Variants in GCLC observed in about 807,000 individuals in gnomAD.
The protein encoded by GCLC is glutamate-cysteine ligase catalytic subunit, also known as glutamate--cysteine ligase catalytic subunit.
GCLC carries 30 observed loss-of-function variants against 81.5 expected under a neutral mutation model. The ratio of observed to expected loss-of-function variants is 0.37; its 90% confidence interval spans 0.28 to 0.50. The LOEUF (loss-of-function observed/expected upper bound fraction) is 0.50. Ranked by LOEUF, GCLC falls within the 20% of genes least tolerant of loss-of-function variation. The probability of loss-of-function intolerance (pLI) is 0.96; values close to 1 mark genes in which losing one functional copy is unlikely to be tolerated. For synonymous variants in GCLC, 262 were observed against 273.3 expected (o/e 0.96, Z 0.41); for missense variants, 556 against 777.4 (o/e 0.72, Z 3.39).
intron 1 of GCLC, among the ~76,000 whole-genome samples, chr6:53,536,693 T>C (rs527313733): frequency 9.8e-5 from 15 of 152,370 alleles, no homozygotes; most frequent in African/African-American, 2.6e-4. Flanking sequence ...TATTGTGACA[T>C]CTTTTCTGAA....
At chr6:53,512,753 G>T (rs1764778201) in intron 6 of GCLC, among the ~76,000 whole-genome samples, 1 of 152,114 alleles carries the variant, frequency 6.6e-6, no homozygotes, top group Admixed American at 6.5e-5. Context: ...GCATTTACTA[G>T]TATACATACA....
chr6:53,508,561 C>T (rs755898671), intron 8 of GCLC, 34 bp downstream of exon 8: 1 of 1,248,812 alleles, frequency 8.0e-7, no homozygotes, highest in East Asian at 2.3e-5. Context: ...ACCTGCTTGA[C>T]TTAAAAGGGC....
intron 1 of GCLC, among the ~76,000 whole-genome samples, chr6:53,534,874 T>G (rs1307483817): frequency 6.6e-6 from 1 of 152,218 alleles, no homozygotes; most frequent in African/African-American, 2.4e-5. Flanking sequence ...TGTTGAGATG[T>G]TAATTTTTCC....
At position 53,500,097 on chromosome 6, in the gene GCLC, G is replaced by A. The variant is rs1486138012; in HGVS notation, c.1650C>T (p.Asp550=). 6.2e-7 allele frequency: 1 copy of A among 1,608,928 alleles called. No homozygotes were observed. The highest frequency in any genetic ancestry group is 1.7e-5 in the Admixed American group (1 of 60,020). Reference sequence around the variant, plus strand: ...GGTAGTTCAGAATACTACATCTGGTGTCCACATCCACTTCCATGTTTTCAA... The same window carrying A: ...GGTAGTTCAGAATACTACATCTGGTATCCACATCCACTTCCATGTTTTCAA... ...SYLENMEVDV[D]TRCSILNYLK... Residue 550 remains aspartate (D), a synonymous_variant, in exon 15 of 16, where the codon GAC becomes GAT. Transcript: ENST00000650454.
rs541079573 is a variant in GCLC at position 53,534,704 on chromosome 6, G to C, written c.150+9792C>G. 1.3e-3 allele frequency among the ~76,000 whole-genome samples: 198 copies of C among 152,144 alleles called. 5 individuals carry two copies. The South Asian group carries it at 0.039, about 30-fold the overall frequency. On this transcript the variant is annotated intron_variant, in intron 1 of 15. Transcript: ENST00000650454. ...GAAGAGATGGAGCTGAAGGTCCGGG[G>C]AAACCATTTACAATAGAACTGAAAC... is the stretch of plus-strand genomic sequence containing the variant.
Position 53,507,016 on chromosome 6 carries a change from T to C in GCLC, c.1094A>G (p.His365Arg). 1 of 1,587,900 alleles carries C rather than the reference T, an allele frequency of 6.3e-7. No homozygotes were observed. Among genetic ancestry groups the C allele is most frequent in the Non-Finnish European group, 8.6e-7 (1 of 1,156,154 alleles). Residue 365 changes from histidine to arginine, a missense_variant, in exon 10 of 16, where the codon CAT (histidine) becomes CGT (arginine). Coordinates refer to ENST00000650454, the MANE Select transcript of GCLC (RefSeq NM_001498.4). ...YEQLLQEGID[H>R]LLAQHVAHLF... ...ATGAGCAACATGCTGGGCCAGGAGATGATCAATGCCTGCAAAAAGAGATCA... is the reference window on the plus strand; with the variant it reads ...ATGAGCAACATGCTGGGCCAGGAGACGATCAATGCCTGCAAAAAGAGATCA...
rs1764413226 is a variant in GCLC at position 53,498,252 on chromosome 6, T to C, written c.*504A>G. 1 of 157,650 alleles carries C rather than the reference T, an allele frequency of 6.3e-6. No homozygotes were observed. The highest frequency in any genetic ancestry group is 2.4e-5 in the African/African-American group (1 of 41,460). 9.8% of individuals were successfully genotyped at this position (157,650 alleles called of 1,614,324 possible). On this transcript the variant is annotated 3_prime_UTR_variant, in exon 16 of 16. Transcript: ENST00000650454. ...AGATAAGGTGCTAGAAACCCAAGATTACCCTTGAAGCACTTTCAATGGATT... is the reference window on the plus strand; with the variant it reads ...AGATAAGGTGCTAGAAACCCAAGATCACCCTTGAAGCACTTTCAATGGATT...
At chr6:53,534,962 A>G (rs975694268) in intron 1 of GCLC, among the ~76,000 whole-genome samples, 3 of 152,330 alleles carry the variant, frequency 2.0e-5, no homozygotes, top group Middle Eastern at 3.4e-3. Context: ...GAAATTGCCA[A>G]TCTGGTTCTA....
intron 7 of GCLC, 79 bp downstream of exon 7, chr6:53,509,097 C>T (rs1764682798): frequency 2.3e-6 from 2 of 882,272 alleles, no homozygotes; most frequent in African/African-American, 3.3e-5. Context: ...ACTTAAATAG[C>T]ACACTGTCAG....
intron 1 of GCLC, 127 bp from the exon 2 acceptor site, chr6:53,522,654 T>C (rs1410084079): frequency 1.5e-6 from 1 of 676,486 alleles, no homozygotes. Flanking sequence ...ACAGTCACAT[T>C]TGTTTACAGT....
chr6:53,511,706 G>C (rs528496895), intron 6 of GCLC, among the ~76,000 whole-genome samples: 1 of 150,326 alleles, frequency 6.7e-6, no homozygotes, highest in African/African-American at 2.4e-5. Flanking sequence ...ACCTTAAAAA[G>C]CTATGAATAC....
intron 1 of GCLC, among the ~76,000 whole-genome samples, chr6:53,525,552 C>T (rs903056732): frequency 3.3e-5 from 5 of 152,098 alleles, no homozygotes; most frequent in Admixed American, 2.0e-4. Context: ...AAAACAGATG[C>T]CTTTCTGTAT....
At chr6:53,532,293 C>T (rs9474584) in intron 1 of GCLC, among the ~76,000 whole-genome samples, 2,112 of 152,346 alleles carry the variant, frequency 0.014, 39 homozygotes, top group African/African-American at 0.048. Context: ...CTCTCGACTG[C>T]GCCCTCTCAT....
At chr6:53,520,409 G>C (rs1396637826) in intron 3 of GCLC, among the ~76,000 whole-genome samples, 1 of 152,174 alleles carries the variant, frequency 6.6e-6, no homozygotes, top group Non-Finnish European at 1.5e-5. Context: ...AGTCACCAGG[G>C]GACAGCATTC....
At position 53,505,449 on chromosome 6, in the gene GCLC, T is replaced by C. The variant is rs1764595077; in HGVS notation, c.1338A>G (p.Val446=). Residue 446 remains valine, a synonymous_variant, in exon 12 of 16, where the codon GTA becomes GTG. Coordinates refer to ENST00000650454, the MANE Select transcript of GCLC (RefSeq NM_001498.4). ...AGGAAAGGATCACTCTGGTGAGCAG[T>C]ACCACAAACACCACATAGGCAGAGT... The part of the protein sequence containing the change: ...FENSAYVVFV[V]LLTRVILSYK... 1 of 1,607,110 alleles carries C rather than the reference T, an allele frequency of 6.2e-7. No individual in the cohort carries two copies. Among genetic ancestry groups the C allele is most frequent in the East Asian group, 2.2e-5 (1 of 44,816 alleles).
At chr6:53,512,475 T>G (rs775920115) in intron 6 of GCLC, among the ~76,000 whole-genome samples, 25 of 152,104 alleles carry the variant, frequency 1.6e-4, no homozygotes, top group South Asian at 2.1e-4. Context: ...ATTTAATACA[T>G]TCATATAATT....
rs1244810409 is a variant in GCLC, at chr6:53,497,612, CAG to C, written c.*1142_*1143del. The C allele has an allele frequency of 3.9e-5, 6 of 152,338 alleles. No individual in the cohort carries two copies. Among genetic ancestry groups the C allele is most frequent in the South Asian group, 2.1e-4 (1 of 4,812 alleles). 9.4% of individuals were successfully genotyped at this position (152,338 alleles called of 1,614,324 possible). On this transcript the variant is annotated 3_prime_UTR_variant, in exon 16 of 16. Transcript: ENST00000650454. ...GTAAAGATCTGCATAATCTACAATA[CAG>C]AGTTATTTCAGAAGCAGTTGACTTA...
chr6:53,533,297 AT>A (rs1763202791), intron 1 of GCLC, among the ~76,000 whole-genome samples: 1 of 152,204 alleles, frequency 6.6e-6, no homozygotes, highest in Non-Finnish European at 1.5e-5. Flanking sequence ...GCTTTGTGGC[AT>A]TTATTTTGAT....
In GCLC at chr6:53,508,726, A is replaced by C; in HGVS notation, c.829-15T>G. On this transcript the variant is annotated splice_polypyrimidine_tract_variant and intron_variant, in intron 7 of 15. Coordinates refer to ENST00000650454, the MANE Select transcript of GCLC (RefSeq NM_001498.4). ...CTCAAAGCCATCTAAAAACAAACAA[A>C]AGTCAGCTCCTGCAAATTCAAAGTG... 3 of 1,533,202 alleles carry C rather than the reference A, an allele frequency of 2.0e-6. No individual in the cohort carries two copies. Among genetic ancestry groups the C allele is most frequent in the Non-Finnish European group, 2.7e-6 (3 of 1,106,434 alleles). 95.0% of individuals were successfully genotyped at this position (1,533,202 alleles called of 1,614,324 possible). A position where few individuals can be genotyped will look rare whatever the true frequency, so the allele number is the denominator to read the frequency against.
Sources: gnomAD v4.1 joint callset for allele counts (sites outside exome capture counted in the v4.1 genomes callset) on GRCh38, gnomAD v4.1.1 for gene constraint, MANE v1.5 for transcripts, NCBI Gene and HGNC (gene_info 2026-07-23, HGNC 2026-07-21) for gene names.